MED15: variants seen among roughly 807,000 people sequenced by gnomAD.
MED15 encodes the protein mediator complex subunit 15, also known as mediator of RNA polymerase II transcription subunit 15.
MED15 carries 41 observed loss-of-function variants against 118.7 expected under a neutral mutation model. The observed-to-expected ratio is 0.35, with a 90% CI of 0.27 to 0.45. MED15 has a LOEUF of 0.45. Ranked by LOEUF, MED15 falls within the 20% of genes least tolerant of loss-of-function variation. The pLI is 1.00. For synonymous variants in MED15, 436 were observed against 413.9 expected, an observed-to-expected ratio of 1.05 and a Z score of -0.65; for missense variants, 740 against 1,025.5, an observed-to-expected ratio of 0.72 and a Z score of 3.80.
At chr22:20,528,981 A>T (rs2054755956) in intron 1 of MED15, among the ~76,000 whole-genome samples, 1 of 152,174 alleles carries the variant, frequency 6.6e-6, no homozygotes, top group African/African-American at 2.4e-5. Context: ...CACTTGGTGC[A>T]GCCTGGCCTC....
At chr22:20,526,044 C>T (rs1287858559) in intron 1 of MED15, among the ~76,000 whole-genome samples, 2 of 151,120 alleles carry the variant, frequency 1.3e-5, no homozygotes, top group Non-Finnish European at 1.5e-5. Flanking sequence ...CCTCAGCCCC[C>T]GAGTTTCTGG....
chr22:20,532,257 G>C (rs2054890921), intron 1 of MED15, among the ~76,000 whole-genome samples: 1 of 152,232 alleles, frequency 6.6e-6, no homozygotes, highest in Non-Finnish European at 1.5e-5. Flanking sequence ...CAGTCAGAAA[G>C]TGAAGGGAGT....
chr22:20,571,643 C>T (rs1255954419), intron 8 of MED15, among the ~76,000 whole-genome samples: 5 of 152,248 alleles, frequency 3.3e-5, no homozygotes, highest in African/African-American at 4.8e-5. Flanking sequence ...ATTGGGCACC[C>T]TCACTGCCTT....
intron 9 of MED15, 116 bp downstream of exon 9, chr22:20,575,348 G>A: frequency 7.5e-7 from 1 of 1,335,470 alleles, no homozygotes; most frequent in Non-Finnish European, 9.9e-7. Flanking sequence ...GTGGCTTTCA[G>A]AGTGCCAAAC....
At chr22:20,579,417 TCTGCTGG>T (rs1228654160) in intron 9 of MED15, among the ~76,000 whole-genome samples, 1 of 152,068 alleles carries the variant, frequency 6.6e-6, no homozygotes, top group African/African-American at 2.4e-5. Context: ...TCCTCTGGGC[TCTGCTGG>T]CTGCCAGCTG....
chr22:20,575,567 T>C (rs1235545269), intron 9 of MED15, among the ~76,000 whole-genome samples: 1 of 152,074 alleles, frequency 6.6e-6, no homozygotes, highest in Non-Finnish European at 1.5e-5. Context: ...TGTGGCTGTT[T>C]ACATTTAAAT....
intron 16 of MED15, 166 bp from the exon 17 acceptor site, chr22:20,585,562 C>T (rs1202547269): frequency 2.7e-6 from 2 of 728,180 alleles, no homozygotes; most frequent in Non-Finnish European, 4.6e-6. Context: ...GCAGAGCACT[C>T]CAGGCTTCAC....
At chr22:20,568,809 C>T (rs958458177) in intron 8 of MED15, among the ~76,000 whole-genome samples, 178 bp downstream of exon 8, 3 of 152,206 alleles carry the variant, frequency 2.0e-5, no homozygotes, top group African/African-American at 7.2e-5. Context: ...GGGTGGGCAG[C>T]TGTGCTTGGT....
chr22:20,582,871 C>A lies in MED15; in HGVS notation c.1441C>A (p.Leu481Met). The A allele has an allele frequency of 6.2e-7, 1 of 1,613,404 alleles. No individual in the cohort carries two copies. The highest frequency in any genetic ancestry group is 8.5e-7 in the Non-Finnish European group (1 of 1,180,018). ...CCCTGCCCCATCTCCCAGTAGCTTC[C>A]TGCCCAGCCCCTCACCGCAGCCCTC... ...SGPAPSPSSF[L>M]PSPSPQPSQS... Residue 481 changes from leucine to methionine, a missense_variant, in exon 11 of 18, where the codon CTG becomes ATG. Physicochemically the swap from Leu to Met is conservative, Grantham distance 15. Coordinates refer to ENST00000263205, the MANE Select transcript of MED15 (RefSeq NM_001003891.3).
chr22:20,584,657 C>T (rs2057081684), intron 14 of MED15, 198 bp from the exon 15 acceptor site: 3 of 848,054 alleles, frequency 3.5e-6, no homozygotes, highest in African/African-American at 1.7e-5. Flanking sequence ...TCAGAGGAGG[C>T]AGGGACTGTA....
intron 5 of MED15, among the ~76,000 whole-genome samples, chr22:20,559,817 T>C (rs1474053424): frequency 6.6e-6 from 1 of 152,272 alleles, no homozygotes; most frequent in South Asian, 2.1e-4. Flanking sequence ...TATCTTTTTT[T>C]ATCCTTTTTC....
intron 2 of MED15, among the ~76,000 whole-genome samples, chr22:20,547,753 G>A (rs1376896526): frequency 6.6e-6 from 1 of 152,174 alleles, no homozygotes; most frequent in East Asian, 1.9e-4. Flanking sequence ...CACCCGGGAG[G>A]CGGAGCTTGC....
intron 1 of MED15, among the ~76,000 whole-genome samples, chr22:20,518,551 T>C (rs954168227): frequency 6.6e-6 from 1 of 152,288 alleles, no homozygotes; most frequent in South Asian, 2.1e-4. Flanking sequence ...AGAGCCCTCA[T>C]TGAGTGCATC....
At chr22:20,562,447 C>T (rs898012942) in intron 5 of MED15, among the ~76,000 whole-genome samples, 9 of 152,100 alleles carry the variant, frequency 5.9e-5, no homozygotes, top group African/African-American at 1.9e-4. Flanking sequence ...TGCAGTGGCG[C>T]GATCTCGGCT....
chr22:20,535,801 T>A (rs1038143746), intron 1 of MED15, among the ~76,000 whole-genome samples: 1 of 151,652 alleles, frequency 6.6e-6, no homozygotes, highest in Admixed American at 6.6e-5. Context: ...CCTCGTGATC[T>A]GCCCGCCTTG....
chr22:20,551,954 G>A (rs528137774), intron 3 of MED15, among the ~76,000 whole-genome samples: 1 of 152,322 alleles, frequency 6.6e-6, no homozygotes, highest in African/African-American at 2.4e-5. Context: ...CTGTGCTGAG[G>A]GCCCCCGTGT....
chr22:20,560,008 T>G (rs1275234308), intron 5 of MED15, among the ~76,000 whole-genome samples: 1 of 152,098 alleles, frequency 6.6e-6, no homozygotes, highest in Non-Finnish European at 1.5e-5. Flanking sequence ...TTTGACAATG[T>G]CTGGAGACAT....
intron 2 of MED15, among the ~76,000 whole-genome samples, chr22:20,539,976 T>C (rs2055231442): frequency 6.6e-6 from 1 of 152,226 alleles, no homozygotes; most frequent in African/African-American, 2.4e-5. Flanking sequence ...TATAAGTCTG[T>C]TATTAAATAT....
chr22:20,553,635 G>A (rs148237544), intron 4 of MED15, among the ~76,000 whole-genome samples: 11 of 152,326 alleles, frequency 7.2e-5, no homozygotes, highest in African/African-American at 2.6e-4. Context: ...CACTGTGGGA[G>A]GCTGAGGCAG....
Sources: allele counts gnomAD v4.1 joint callset (sites outside exome capture counted in the v4.1 genomes callset), GRCh38; gene constraint gnomAD v4.1.1; transcripts MANE v1.5; gene names NCBI Gene and HGNC (gene_info 2026-07-23, HGNC 2026-07-21).